The following TACC1 variants were observed in gnomAD, a reference collection of about 807,000 sequenced individuals.
TACC1 encodes transforming acidic coiled-coil-containing protein 1.
TACC1 carries 48 observed loss-of-function variants against 84.4 expected under a neutral mutation model. That is an observed-to-expected ratio of 0.57 (90% CI 0.45 to 0.72). The LOEUF (loss-of-function observed/expected upper bound fraction) is 0.72. TACC1 is among the 30% of genes least tolerant of loss of function. The probability of loss-of-function intolerance (pLI) is 0.00; values close to 1 mark genes in which losing one functional copy is unlikely to be tolerated. For missense variants in TACC1, 920 were observed against 973.0 expected, an observed-to-expected ratio of 0.95 and a Z score of 0.72; for synonymous variants, 372 against 376.3, an observed-to-expected ratio of 0.99 and a Z score of 0.13.
chr8:38,820,103 T>A lies in TACC1; in HGVS notation c.859T>A (p.Ser287Thr). Residue 287 changes from serine (S) to threonine (T), a missense_variant, in exon 3 of 13, where the codon TCT (serine) becomes ACT (threonine). By Grantham distance (58) the Ser-to-Thr change is moderately conservative. Transcript: ENST00000317827. ...PLLGDARFQK[S>T]PPDLKETPGT... ...GCTAGGAGATGCCAGGTTCCAGAAGTCTCCCCCTGACCTTAAAGAAACTCC... is the reference window on the plus strand; with the variant it reads ...GCTAGGAGATGCCAGGTTCCAGAAGACTCCCCCTGACCTTAAAGAAACTCC... The A allele has an allele frequency of 6.2e-7, 1 of 1,613,864 alleles. No individual in the cohort carries two copies. Among genetic ancestry groups the A allele is most frequent in the Non-Finnish European group, 8.5e-7 (1 of 1,179,988 alleles).
upstream of TACC1, among the ~76,000 whole-genome samples, chr8:38,785,342 G>T (rs961164300): frequency 6.6e-6 from 1 of 152,072 alleles, no homozygotes; most frequent in Admixed American, 6.6e-5. Flanking sequence ...GAAGGCTGGC[G>T]GATGATTCTT....
rs546203591 is a variant in TACC1, at chr8:38,761,396, G to A, written c.26+15903G>A. ...ACCAATCGTTTGCATTTGGAATTTA[G>A]CATAAGGTCAGTAGCAAAGTCAGGA... On this transcript the variant is annotated intron_variant, in intron 3 of 14. Coordinates refer to the TACC1 transcript ENST00000518415. 1.0e-3 allele frequency among the ~76,000 whole-genome samples: 159 copies of A among 152,334 alleles called. 5 individuals are homozygous for A. The South Asian group carries it at 0.03, about 28-fold the overall frequency.
At chr8:38,834,250 A>G (rs1829799560) in intron 6 of TACC1, among the ~76,000 whole-genome samples, 2 of 152,340 alleles carry the variant, frequency 1.3e-5, no homozygotes, top group South Asian at 4.1e-4. Context: ...GTTGTTGGCA[A>G]GTCTCGGGTC....
intron 8 of TACC1, chr8:38,839,979 C>A: frequency 3.5e-6 from 1 of 287,808 alleles, no homozygotes; most frequent in Admixed American, 5.3e-5. Context: ...GCAGTTGGTT[C>A]TATAAGTAAA....
intron 7 of TACC1, among the ~76,000 whole-genome samples, chr8:38,837,535 C>T (rs962313007): frequency 2.6e-5 from 4 of 152,208 alleles, no homozygotes; most frequent in Non-Finnish European, 5.9e-5. Context: ...AAGCGATCCT[C>T]TTGCCTCAGC....
At chr8:38,752,787 C>G (rs1809283282) in intron 3 of TACC1, among the ~76,000 whole-genome samples, 1 of 152,114 alleles carries the variant, frequency 6.6e-6, no homozygotes, top group Non-Finnish European at 1.5e-5. Flanking sequence ...ATTTTATTCT[C>G]TCTATGTTCT....
At position 38,795,219 on chromosome 8, in the gene TACC1, G is replaced by A. The variant is rs754407740; in HGVS notation, c.277+6400G>A. On this transcript the variant is annotated intron_variant, in intron 2 of 12. Transcript: ENST00000317827. The stretch of plus-strand genomic sequence containing the variant: ...TGTAGTTTTTCCAGCAGAAACTTGT[G>A]AGAGTGCAGAACCACAGAGGAGCAA... Among the ~76,000 whole-genome samples, 77 of 152,342 alleles carry A rather than the reference G, an allele frequency of 5.1e-4. 1 individual carries two copies. Among genetic ancestry groups the A allele is most frequent in the Non-Finnish European group, 5.0e-4 (34 of 68,038 alleles).
At chr8:38,820,864 C>T (rs1048789497) in intron 3 of TACC1, among the ~76,000 whole-genome samples, 4 of 152,020 alleles carry the variant, frequency 2.6e-5, no homozygotes. Context: ...GAATCCTTAG[C>T]TTAATCAGCT....
At chr8:38,758,746 A>G (rs1554497952) in intron 3 of TACC1, among the ~76,000 whole-genome samples, 1 of 151,272 alleles carries the variant, frequency 6.6e-6, no homozygotes, top group Non-Finnish European at 1.5e-5. Flanking sequence ...AAACACTTCT[A>G]AATGCCCCAC....
intron 2 of TACC1, among the ~76,000 whole-genome samples, chr8:38,806,055 G>A (rs116421907): frequency 1.4e-3 from 211 of 152,296 alleles, no homozygotes; most frequent in African/African-American, 4.9e-3. Context: ...CTGGGCAGTT[G>A]TGTGAAGCTG....
chr8:38,744,064 T>G (rs76420667), intron 2 of TACC1: 16,730 of 152,132 alleles, frequency 0.11, 1,068 homozygotes, highest in South Asian at 0.16. Context: ...TTGTCCACAG[T>G]CAGTTACAGA....
chr8:38,777,846 C>T (rs1408377166), intron 3 of TACC1, among the ~76,000 whole-genome samples: 2 of 152,184 alleles, frequency 1.3e-5, no homozygotes, highest in Non-Finnish European at 2.9e-5. Context: ...CCCTTGTGCT[C>T]ACATCCCATG....
chr8:38,769,195 G>A (rs1337210189), intron 3 of TACC1, among the ~76,000 whole-genome samples: 1 of 147,210 alleles, frequency 6.8e-6, no homozygotes, highest in Non-Finnish European at 1.5e-5. Context: ...GGGTGTGTGT[G>A]GTGTGTGTGA....
chr8:38,840,308 G>A (rs1303096627), intron 9 of TACC1, 41 bp downstream of exon 9: 2 of 1,573,054 alleles, frequency 1.3e-6, no homozygotes, highest in Non-Finnish European at 1.7e-6. Flanking sequence ...TGAGCCATAG[G>A]ATCTGTCTTA....
intron 4 of TACC1, 40 bp downstream of exon 4, chr8:38,825,408 G>A: frequency 3.1e-6 from 5 of 1,611,660 alleles, no homozygotes; most frequent in Non-Finnish European, 4.2e-6. Flanking sequence ...CTGAGACCAG[G>A]GGTCCTCCAG....
intron 1 of TACC1, among the ~76,000 whole-genome samples, chr8:38,732,441 A>AC (rs1563736959): frequency 6.6e-6 from 1 of 152,136 alleles, no homozygotes; most frequent in African/African-American, 2.4e-5. Flanking sequence ...ACAAAAAAAA[A>AC]CCCAGGAGAT....
Position 38,787,575 on chromosome 8 carries a change from C to T in TACC1, c.-8C>T. The T allele has an allele frequency of 6.5e-7, 1 of 1,536,884 alleles. No individual in the cohort carries two copies. The highest frequency in any genetic ancestry group is 1.2e-5 in the South Asian group (1 of 83,508). On this transcript the variant is annotated 5_prime_UTR_variant, in exon 1 of 13. Transcript: ENST00000317827. Reference sequence around the variant, plus strand: ...CCCCTAGGAGCTGGAGCCGGAGGAGCCGCGCTCATGGCGTTCAGCCCGTGG... The same window carrying T: ...CCCCTAGGAGCTGGAGCCGGAGGAGTCGCGCTCATGGCGTTCAGCCCGTGG...
intron 3 of TACC1, among the ~76,000 whole-genome samples, chr8:38,754,766 T>C (rs866390564): frequency 6.6e-6 from 1 of 152,232 alleles, no homozygotes; most frequent in Non-Finnish European, 1.5e-5. Flanking sequence ...CACTTCAAAA[T>C]ACTGTTTATG....
chr8:38,797,258 G>T (rs756373542), intron 2 of TACC1, among the ~76,000 whole-genome samples: 6 of 152,226 alleles, frequency 3.9e-5, no homozygotes, highest in Non-Finnish European at 7.3e-5. Flanking sequence ...GGTTACACAG[G>T]TCAGTCCAAG....
Sources: allele counts gnomAD v4.1 joint callset (sites outside exome capture counted in the v4.1 genomes callset), GRCh38; gene constraint gnomAD v4.1.1; transcripts MANE v1.5; gene names NCBI Gene and HGNC (gene_info 2026-07-23, HGNC 2026-07-21).